The following COL4A1 variants were observed in gnomAD, a reference collection of about 807,000 sequenced individuals.
COL4A1 encodes the protein collagen alpha-1(IV) chain.
A neutral mutation model predicts 216.6 loss-of-function variants in COL4A1; 40 were observed. The ratio of observed to expected loss-of-function variants is 0.18; its 90% CI spans 0.14 to 0.24. COL4A1 has a LOEUF of 0.24. Ranked by LOEUF, COL4A1 falls within the 10% of genes least tolerant of loss-of-function variation. COL4A1 has a pLI of 1.00. For synonymous variants in COL4A1, 839 were observed against 810.7 expected (o/e 1.03, Z -0.59); for missense variants, 1,628 against 2,196.8 (o/e 0.74, Z 5.18).
At position 110,152,461 on chromosome 13, in the gene COL4A1, G is replaced by A. The variant is rs1174157767; in HGVS notation, c.4801C>T (p.Pro1601Ser). Residue 1601 changes from proline (P) to serine (S), a missense_variant, in exon 51 of 52, where the codon CCC becomes TCC. Pro to Ser is a moderately conservative substitution (Grantham distance 74). Coordinates refer to ENST00000375820, the MANE Select transcript of COL4A1 (RefSeq NM_001845.6). ...CTAAACTCCTCCAGGCAGGAGCCGG[G>A]GGACGCCAGGGCTTGGCCAGAGCCT... is the stretch of plus-strand genomic sequence containing the variant. ...AEGSGQALAS[P>S]GSCLEEFRSA... The A allele has an allele frequency of 1.2e-6, 2 of 1,613,806 alleles. No individual in the cohort carries two copies. Among genetic ancestry groups the A allele is most frequent in the African/African-American group, 1.3e-5 (1 of 74,894 alleles).
intron 1 of COL4A1, chr13:110,265,435 C>A (rs554882): frequency 1.3e-5 from 2 of 152,176 alleles, no homozygotes; most frequent in Non-Finnish European, 2.9e-5. Flanking sequence ...TGTGTGCAGT[C>A]GCATTCATAG....
At chr13:110,209,487 T>C (rs1365592529) in intron 10 of COL4A1, 60 bp from the exon 11 acceptor site, 1 of 1,170,354 alleles carries the variant, frequency 8.5e-7, no homozygotes, top group East Asian at 2.3e-5. Context: ...TTTAAGCCCT[T>C]CTTCAGGCTG....
At chr13:110,221,217 T>C (rs1425026893) in intron 2 of COL4A1, among the ~76,000 whole-genome samples, 1 of 152,160 alleles carries the variant, frequency 6.6e-6, no homozygotes, top group Non-Finnish European at 1.5e-5. Context: ...TAGAAGGCGA[T>C]GGTTACAAAG....
intron 24 of COL4A1, chr13:110,191,722 A>G (rs928257262): frequency 1.1e-5 from 7 of 653,386 alleles, no homozygotes; most frequent in Admixed American, 1.1e-4. Flanking sequence ...TAATCCTCAG[A>G]GGCAAACAGA....
intron 20 of COL4A1, among the ~76,000 whole-genome samples, chr13:110,200,558 A>AGGGG (rs1240958874): frequency 6.6e-6 from 1 of 152,028 alleles, no homozygotes; most frequent in African/African-American, 2.4e-5. Flanking sequence ...GTGGGAAAAG[A>AGGGG]GGGGGGCAGG....
chr13:110,302,463 A>G (rs1346472693), intron 1 of COL4A1, among the ~76,000 whole-genome samples: 2 of 152,154 alleles, frequency 1.3e-5, no homozygotes, highest in Non-Finnish European at 2.9e-5. Flanking sequence ...AGAGAGTGCA[A>G]AGAACAAAGA....
intron 1 of COL4A1, among the ~76,000 whole-genome samples, chr13:110,266,471 TG>T (rs1883039489): frequency 6.6e-6 from 1 of 152,088 alleles, no homozygotes; most frequent in African/African-American, 2.4e-5. Context: ...CGGAGCTGGA[TG>T]GGGGTAAGAA....
intron 33 of COL4A1, among the ~76,000 whole-genome samples, chr13:110,177,301 T>G (rs1041683007): frequency 6.6e-6 from 1 of 152,216 alleles, no homozygotes. Context: ...TTTAGATAAC[T>G]TACATTTCTC....
In COL4A1 at chr13:110,169,533, TAC is replaced by T. The variant is rs1566345858; in HGVS notation, c.3876+94_3876+95del. 3.3e-5 allele frequency: 48 copies of T among 1,467,700 alleles called. 1 individual carries two copies. The South Asian group carries it at 4.3e-4, about 13-fold the overall frequency. 90.9% of individuals were successfully genotyped at this position (1,467,700 alleles called of 1,614,324 possible). The stretch of plus-strand genomic sequence containing the variant: ...ACACACACACACACACACATATATA[TAC>T]ATACACAAAATACATACACACATAG... On this transcript the variant is annotated intron_variant, in intron 43 of 51. Coordinates refer to ENST00000375820, the MANE Select transcript of COL4A1 (RefSeq NM_001845.6).
chr13:110,178,905 T>C lies in COL4A1; in HGVS notation c.2458+18A>G, dbSNP rs1878012246. On this transcript the variant is annotated intron_variant, in intron 31 of 51. Transcript: ENST00000375820. ...GCATGCTTTTGGGAACAGATAATTC[T>C]AGAAGCATGTCACTCACCTGACAAC... 1 of 1,580,982 alleles carries C rather than the reference T, an allele frequency of 6.3e-7. No individual in the cohort carries two copies. Among genetic ancestry groups the C allele is most frequent in the Non-Finnish European group, 8.7e-7 (1 of 1,153,730 alleles).
At position 110,181,172 on chromosome 13, in the gene COL4A1, A is replaced by C. The variant is rs554222556; in HGVS notation, c.2193+120T>G. On this transcript the variant is annotated intron_variant, in intron 29 of 51. Transcript: ENST00000375820. ...GATACTTTCTATTCTATGTTATTTC[A>C]TCAAAAACAAAAATCTGCTGGCCCA... is the stretch of plus-strand genomic sequence containing the variant. The C allele has an allele frequency of 5.6e-5, 51 of 904,236 alleles. 1 individual carries two copies. The African/African-American group carries it at 7.2e-4, about 13-fold the overall frequency. The allele number at this position is 904,236 out of a possible 1,614,324, so 56.0% of individuals were successfully genotyped here.
At chr13:110,198,755 C>A (rs1254020998) in intron 20 of COL4A1, 124 bp from the exon 21 acceptor site, 20 of 1,290,122 alleles carry the variant, frequency 1.6e-5, no homozygotes, top group Non-Finnish European at 2.2e-5. Flanking sequence ...AAGGGAACTG[C>A]TTTAGACATG....
At chr13:110,187,503 G>C (rs1180949837) in intron 24 of COL4A1, among the ~76,000 whole-genome samples, 174 bp from the exon 25 acceptor site, 2 of 152,086 alleles carry the variant, frequency 1.3e-5, no homozygotes, top group Non-Finnish European at 2.9e-5. Context: ...ACAAAGCCCT[G>C]GTCTGCTGCA....
At chr13:110,152,648 T>A (rs1311852645) in intron 50 of COL4A1, 142 bp from the exon 51 acceptor site, 2 of 1,069,090 alleles carry the variant, frequency 1.9e-6, no homozygotes, top group Non-Finnish European at 1.4e-6. Flanking sequence ...CAGGACACAC[T>A]CTGTGCCCAA....
At chr13:110,177,473 AACGATAAGAAATAAAG>A (rs1389938680) in intron 33 of COL4A1, among the ~76,000 whole-genome samples, 1 of 152,196 alleles carries the variant, frequency 6.6e-6, no homozygotes, top group African/African-American at 2.4e-5. Context: ...AACTTCAAAT[AACGATAAGAAATAAAG>A]ACGAAGCCTT....
intron 45 of COL4A1, among the ~76,000 whole-genome samples, chr13:110,165,580 C>A (rs528470717): frequency 6.6e-6 from 1 of 151,208 alleles, no homozygotes; most frequent in Non-Finnish European, 1.5e-5. Context: ...CCCTTCCACA[C>A]ACCCTCCCTC....
chr13:110,158,812 G>A (rs1281280915), intron 49 of COL4A1, among the ~76,000 whole-genome samples: 1 of 146,272 alleles, frequency 6.8e-6, no homozygotes, highest in East Asian at 2.0e-4. Context: ...GTGCGATCCT[G>A]GCTCACTGCA....
At chr13:110,226,630 C>T (rs1203858995) in intron 2 of COL4A1, among the ~76,000 whole-genome samples, 2 of 152,206 alleles carry the variant, frequency 1.3e-5, no homozygotes, top group Non-Finnish European at 2.9e-5. Flanking sequence ...GTAATCTCAG[C>T]AGAGCTGGAG....
rs35751015 is a variant in COL4A1 at position 110,198,078 on chromosome 13, GGTGT to G, written c.1285+385_1285+388del. Among the ~76,000 whole-genome samples, 1,240 of 141,918 alleles carry G rather than the reference GGTGT, an allele frequency of 8.7e-3. 16 individuals are homozygous for G. Among genetic ancestry groups the G allele is most frequent in the African/African-American group, 0.024 (866 of 36,670 alleles). 93.1% of individuals were successfully genotyped at this position (141,918 alleles called of 152,430 possible). Reference sequence around the variant, plus strand: ...GTAATCCTGTCTTCCTTGTTTCTGGGGTGTGTGTGTGTGTGTGTGTGTGTGTGTG... The same window carrying G: ...GTAATCCTGTCTTCCTTGTTTCTGGGGTGTGTGTGTGTGTGTGTGTGTGTG... On this transcript the variant is annotated intron_variant, in intron 21 of 51. Coordinates refer to ENST00000375820, the MANE Select transcript of COL4A1 (RefSeq NM_001845.6).
Sources: allele counts gnomAD v4.1 joint callset (sites outside exome capture counted in the v4.1 genomes callset), GRCh38; gene constraint gnomAD v4.1.1; transcripts MANE v1.5; gene names NCBI Gene and HGNC (gene_info 2026-07-23, HGNC 2026-07-21).